MYH9: variants seen among roughly 807,000 people sequenced by gnomAD.
MYH9 encodes the protein myosin heavy chain 9.
A neutral mutation model predicts 241.9 loss-of-function variants in MYH9; 29 were observed. That is an observed-to-expected ratio of 0.12 (90% CI 0.09 to 0.16). The LOEUF (loss-of-function observed/expected upper bound fraction) is 0.16, where lower values mean the gene tolerates loss of function less well. MYH9 is among the 10% of genes least tolerant of loss of function. The probability of loss-of-function intolerance (pLI) is 1.00; values close to 1 mark genes in which losing one functional copy is unlikely to be tolerated. For missense variants in MYH9, 1,803 were observed against 2,595.5 expected (o/e 0.69, Z 6.63); for synonymous variants, 1,047 against 1,062.6 (o/e 0.99, Z 0.29).
chr22:36,355,917 T>C (rs573771566), intron 1 of MYH9, among the ~76,000 whole-genome samples: 27 of 152,324 alleles, frequency 1.8e-4, no homozygotes, highest in African/African-American at 6.5e-4. Context: ...CATGCTGGCT[T>C]GCACAAGGGA....
chr22:36,308,717 G>GC lies in MYH9; in HGVS notation c.1843+564_1843+565insG, dbSNP rs978421069. The GC allele has an allele frequency of 2.5e-5, 19 of 748,508 alleles. No individual in the cohort carries two copies. In the African/African-American group the frequency reaches 2.7e-4, roughly 11 times the overall value. 46.4% of individuals were successfully genotyped at this position (748,508 alleles called of 1,614,324 possible). A position where few individuals can be genotyped will look rare whatever the true frequency, so the allele number is the denominator to read the frequency against. On this transcript the variant is annotated intron_variant, in intron 15 of 40. Transcript: ENST00000216181. Reference sequence around the variant, plus strand: ...AGCAGGCAGGAAAAGCCAAGGCAAGGGGGGGCGCGAGAAAACCTAGGCAGA... The same window carrying GC: ...AGCAGGCAGGAAAAGCCAAGGCAAGGCGGGGGCGCGAGAAAACCTAGGCAGA...
Position 36,337,919 on chromosome 22 carries a change from T to C in MYH9, c.490+3451A>G, listed in dbSNP as rs2017524058. On this transcript the variant is annotated intron_variant, in intron 3 of 40. Transcript: ENST00000216181. ...TGGACAACTTCTGTTACTAACTTCC[T>C]CCCTGCTCCAAGAGCAAGAAACCTA... Among the ~76,000 whole-genome samples the C allele has an allele frequency of 2.6e-5, 4 of 152,072 alleles. No individual in the cohort carries two copies. In the South Asian group the frequency reaches 8.3e-4, roughly 31 times the overall value.
At position 36,316,787 on chromosome 22, in the gene MYH9, T is replaced by A. The variant is rs555978237; in HGVS notation, c.1228-118A>T. 8 of 1,202,176 alleles carry A rather than the reference T, an allele frequency of 6.7e-6. No homozygotes were observed. The South Asian group carries it at 9.6e-5, about 14-fold the overall frequency. The allele number at this position is 1,202,176 out of a possible 1,614,324, so 74.5% of individuals were successfully genotyped here. On this transcript the variant is annotated intron_variant, in intron 11 of 40. Coordinates refer to ENST00000216181, the MANE Select transcript of MYH9 (RefSeq NM_002473.6). ...CCCCCTAGAGGAACAGCCCTAAGTATGTGGGGGAAAAAAAAAAATCTTCGT... is the reference window on the plus strand; with the variant it reads ...CCCCCTAGAGGAACAGCCCTAAGTAAGTGGGGGAAAAAAAAAAATCTTCGT...
chr22:36,282,362 A>G lies in MYH9; in HGVS notation c.*306T>C, dbSNP rs896290614. ...CCGGGGGCCTGCCCTGCTCGCCTCA[A>G]CATCTTGTGCTTTTTGGCAAGAGAG... On this transcript the variant is annotated 3_prime_UTR_variant, in exon 41 of 41. Coordinates refer to ENST00000216181, the MANE Select transcript of MYH9 (RefSeq NM_002473.6). 5.0e-5 allele frequency: 28 copies of G among 555,416 alleles called. No individual in the cohort carries two copies. The African/African-American group carries it at 5.1e-4, about 10-fold the overall frequency. The allele number at this position is 555,416 out of a possible 1,614,324, so 34.4% of individuals were successfully genotyped here.
chr22:36,328,684 C>T (rs887282990), intron 3 of MYH9, among the ~76,000 whole-genome samples: 2 of 152,250 alleles, frequency 1.3e-5, no homozygotes, highest in African/African-American at 2.4e-5. Flanking sequence ...CCCAACGCGA[C>T]GTCGCCACGA....
At chr22:36,294,008 G>A in intron 28 of MYH9, 84 bp downstream of exon 28, 9 of 1,521,620 alleles carry the variant, frequency 5.9e-6, no homozygotes, top group African/African-American at 1.4e-5. Context: ...GAGAGAGACA[G>A]AGAGCACACA....
At chr22:36,326,491 G>C in intron 5 of MYH9, 77 bp downstream of exon 5, 1 of 1,288,874 alleles carries the variant, frequency 7.8e-7, no homozygotes, top group East Asian at 2.3e-5. Flanking sequence ...CTGAAGCCGG[G>C]ACCACTAAGT....
chr22:36,290,338 CAAAAAAAAAA>C, intron 31 of MYH9, among the ~76,000 whole-genome samples: 1 of 53,726 alleles, frequency 1.9e-5, no homozygotes, highest in Non-Finnish European at 4.4e-5. Context: ...AGACAGTCTC[CAAAAAAAAAA>C]AAAAAAAAAA....
Position 36,284,285 on chromosome 22 carries a change from G to A in MYH9, c.5593-20C>T, listed in dbSNP as rs749157839. On this transcript the variant is annotated intron_variant, in intron 39 of 40. Coordinates refer to ENST00000216181, the MANE Select transcript of MYH9 (RefSeq NM_002473.6). ...GTCGGCCTGCGGAGATGGACGTGTGGCCCGTGGCCCCGGTTAGGGGCTCTG... is the reference window on the plus strand; with the variant it reads ...GTCGGCCTGCGGAGATGGACGTGTGACCCGTGGCCCCGGTTAGGGGCTCTG... 6.2e-7 allele frequency: 1 copy of A among 1,606,788 alleles called. No individual in the cohort carries two copies. Among genetic ancestry groups the A allele is most frequent in the Admixed American group, 1.7e-5 (1 of 59,502 alleles).
chr22:36,335,874 C>T (rs931145390), intron 3 of MYH9, among the ~76,000 whole-genome samples: 5 of 152,184 alleles, frequency 3.3e-5, no homozygotes, highest in African/African-American at 4.8e-5. Context: ...TGCCTCTTTA[C>T]GTATGAATTC....
intron 1 of MYH9, among the ~76,000 whole-genome samples, chr22:36,376,419 A>C (rs1406904734): frequency 6.6e-6 from 1 of 152,074 alleles, no homozygotes. Flanking sequence ...CTCCTGACTC[A>C]GGGTAGCATG....
At chr22:36,301,508 T>A (rs765921719) in intron 21 of MYH9, 26 bp downstream of exon 21, 1 of 1,612,004 alleles carries the variant, frequency 6.2e-7, no homozygotes, top group Admixed American at 1.7e-5. Context: ...TCGTGCGACC[T>A]GGACTGAGCC....
rs762499584 is a variant in MYH9, at chr22:36,305,036, G to A, written c.2226C>T (p.Leu742=). Reference sequence around the variant, plus strand: ...CAGGGACAGCAGCTCAACTCACCATGAGCACGCACGCCTGCTTCCCGTCCA... The same window carrying A: ...CAGGGACAGCAGCTCAACTCACCATAAGCACGCACGCCTGCTTCCCGTCCA... The part of the protein sequence containing the change: ...GFMDGKQACV[L]MIKALELDSN... Residue 742 remains leucine, a synonymous_variant, in exon 18 of 41, where the codon CTC becomes CTT. Transcript: ENST00000216181. The surrounding 1 kb of genome is among the most constrained non-coding windows in gnomAD (Gnocchi z 4.7). The A allele has an allele frequency of 6.8e-6, 11 of 1,613,742 alleles. No homozygotes were observed. Among genetic ancestry groups the A allele is most frequent in the South Asian group, 3.3e-5 (3 of 91,062 alleles).
intron 1 of MYH9, among the ~76,000 whole-genome samples, chr22:36,357,690 G>A (rs1040722546): frequency 3.9e-5 from 6 of 152,066 alleles, no homozygotes; most frequent in African/African-American, 4.8e-5. Flanking sequence ...TGAAGTGCAC[G>A]GGCCAAATCT....
rs1189741384 is a variant in MYH9 at position 36,349,120 on chromosome 22, A to C, written c.117T>G (p.Ser39Arg). The C allele has an allele frequency of 1.9e-6, 3 of 1,613,804 alleles. No homozygotes were observed. Among genetic ancestry groups the C allele is most frequent in the Non-Finnish European group, 2.5e-6 (3 of 1,179,946 alleles). Residue 39 changes from serine to arginine, a missense_variant, in exon 2 of 41, where the codon AGT (serine) becomes AGG (arginine). This residue lies in a region of MYH9 where 75 missense variants were observed against 79.1 expected (regional missense o/e 0.95). Coordinates refer to ENST00000216181, the MANE Select transcript of MYH9 (RefSeq NM_002473.6). ...KKLVWVPSDKSGFEPASLKEE... is the reference protein window; with the variant it reads ...KKLVWVPSDKRGFEPASLKEE... ...CCTTGAGGCTGGCTGGCTCAAAGCC[A>C]CTCTTGTCGGAAGGCACCCATACCA...
At chr22:36,294,023 C>A in intron 28 of MYH9, 69 bp downstream of exon 28, 1 of 1,560,764 alleles carries the variant, frequency 6.4e-7, no homozygotes, top group Non-Finnish European at 8.7e-7. Context: ...CACACATGCA[C>A]CTGGGGACCT....
At chr22:36,379,228 C>T (rs771711674) in intron 1 of MYH9, among the ~76,000 whole-genome samples, 1 of 152,206 alleles carries the variant, frequency 6.6e-6, no homozygotes, top group Non-Finnish European at 1.5e-5. Context: ...TACAGAGAGG[C>T]CAGGCGTGGT....
Position 36,293,118 on chromosome 22 carries a change from A to G in MYH9, c.4095+211T>C, listed in dbSNP as rs2016732819. On this transcript the variant is annotated intron_variant, in intron 30 of 40. Coordinates refer to ENST00000216181, the MANE Select transcript of MYH9 (RefSeq NM_002473.6). This position sits in a 1 kb window ranked among gnomAD's most constrained non-coding sequence, Gnocchi z 5.1. ...ACTGGTGAAAATAAAGGTGTAAAATAGTGAAAATAGTGGTGTCCCCCATCT... is the reference window on the plus strand; with the variant it reads ...ACTGGTGAAAATAAAGGTGTAAAATGGTGAAAATAGTGGTGTCCCCCATCT... Among the ~76,000 whole-genome samples the G allele has an allele frequency of 6.6e-6, 1 of 152,256 alleles. No homozygotes were observed.
intron 5 of MYH9, 89 bp from the exon 6 acceptor site, chr22:36,322,610 C>G: frequency 7.7e-7 from 1 of 1,304,430 alleles, no homozygotes; most frequent in South Asian, 1.2e-5. Flanking sequence ...ATGGCAGAGC[C>G]GTGTCAGCAT....
Sources: allele counts gnomAD v4.1 joint callset (sites outside exome capture counted in the v4.1 genomes callset), GRCh38; gene constraint gnomAD v4.1.1; regional missense constraint gnomAD v4.1.1; non-coding constraint Gnocchi (gnomAD v3.1); transcripts MANE v1.5; gene names NCBI Gene and HGNC (gene_info 2026-07-23, HGNC 2026-07-21).